RNF20: variants seen among roughly 807,000 people sequenced by gnomAD.
RNF20 encodes the protein ring finger protein 20.
RNF20 carries 84 observed loss-of-function variants against 126.2 expected under a neutral mutation model. The observed-to-expected ratio is 0.67, with a 90% CI of 0.56 to 0.80. RNF20 has a LOEUF of 0.80. Ranked by LOEUF, RNF20 falls within the 30% of genes least tolerant of loss-of-function variation. The pLI, the probability that RNF20 is intolerant of heterozygous loss-of-function variation, is 0.00. For missense variants in RNF20, 869 were observed against 1,188.2 expected, an observed-to-expected ratio of 0.73 and a Z score of 3.95; for synonymous variants, 400 against 414.3, an observed-to-expected ratio of 0.97 and a Z score of 0.42.
chr9:101,541,189 G>A (rs1225625286), intron 5 of RNF20, among the ~76,000 whole-genome samples: 1 of 152,108 alleles, frequency 6.6e-6, no homozygotes, highest in Non-Finnish European at 1.5e-5. Flanking sequence ...TTCTGCCTCA[G>A]CTTCCGAATA....
intron 5 of RNF20, among the ~76,000 whole-genome samples, chr9:101,542,995 A>C (rs1030912973): frequency 4.6e-5 from 7 of 152,226 alleles, no homozygotes; most frequent in Admixed American, 4.6e-4. Flanking sequence ...GAAAATTGAC[A>C]TTCCTCAAAT....
chr9:101,561,313 C>T (rs958590503), intron 18 of RNF20, 83 bp downstream of exon 18: 116 of 1,372,960 alleles, frequency 8.4e-5, no homozygotes, highest in Non-Finnish European at 1.2e-4. Flanking sequence ...AATCATTAGT[C>T]CAATGTATGT....
intron 16 of RNF20, among the ~76,000 whole-genome samples, chr9:101,557,846 G>A (rs1827560423): frequency 2.0e-5 from 3 of 152,024 alleles, no homozygotes; most frequent in African/African-American, 4.8e-5. Flanking sequence ...ATCAAGTGAC[G>A]TGTTTTGTTA....
intron 9 of RNF20, among the ~76,000 whole-genome samples, chr9:101,550,331 C>T (rs550487590): frequency 2.0e-5 from 3 of 152,280 alleles, no homozygotes; most frequent in Non-Finnish European, 4.4e-5. Context: ...ACAAATTTCA[C>T]TCTTCTGGTG....
intron 2 of RNF20, among the ~76,000 whole-genome samples, chr9:101,538,539 C>G (rs1588216115): frequency 6.6e-6 from 1 of 152,100 alleles, no homozygotes; most frequent in Non-Finnish European, 1.5e-5. Context: ...TCATCCCTCT[C>G]TGGCTTCAAG....
At chr9:101,541,775 CAG>C (rs1198649517) in intron 5 of RNF20, among the ~76,000 whole-genome samples, 6 of 152,076 alleles carry the variant, frequency 3.9e-5, no homozygotes, top group Non-Finnish European at 7.4e-5. Flanking sequence ...TTAGAGTTGA[CAG>C]ATGATCTGTA....
chr9:101,550,567 C>G (rs1274127969), intron 9 of RNF20, 39 bp from the exon 10 acceptor site: 1 of 1,585,890 alleles, frequency 6.3e-7, no homozygotes, highest in African/African-American at 1.4e-5. Flanking sequence ...TGGGGCAATG[C>G]TAGATTCTGC....
chr9:101,550,274 A>G (rs1264419784), intron 9 of RNF20, among the ~76,000 whole-genome samples: 1 of 152,240 alleles, frequency 6.6e-6, no homozygotes, highest in Non-Finnish European at 1.5e-5. Flanking sequence ...AAAGAGAACA[A>G]GTTAGTGACT....
At chr9:101,549,258 C>T (rs959272869) in intron 9 of RNF20, among the ~76,000 whole-genome samples, 3 of 152,168 alleles carry the variant, frequency 2.0e-5, no homozygotes, top group Non-Finnish European at 4.4e-5. Flanking sequence ...CATCTCCAAT[C>T]GTAGGTAAGG....
At chr9:101,547,932 G>A (rs929126133) in intron 9 of RNF20, among the ~76,000 whole-genome samples, 7 of 152,026 alleles carry the variant, frequency 4.6e-5, no homozygotes, top group East Asian at 1.9e-4. Flanking sequence ...CAGGCTCCAC[G>A]AAAAAACTGT....
intron 5 of RNF20, among the ~76,000 whole-genome samples, chr9:101,543,737 C>T (rs34217655): frequency 0.034 from 5,181 of 152,330 alleles, 134 homozygotes; most frequent in East Asian, 0.092. Context: ...CTAGCCCTGT[C>T]CTCAGTGCTT....
intron 16 of RNF20, among the ~76,000 whole-genome samples, chr9:101,558,522 AACAG>A (rs1827573231): frequency 6.6e-6 from 1 of 152,182 alleles, no homozygotes; most frequent in Non-Finnish European, 1.5e-5. Context: ...CATTCCCACC[AACAG>A]TGTAAAAGTG....
chr9:101,552,717 A>T lies in RNF20; in HGVS notation c.1865A>T (p.Glu622Val), dbSNP rs776278692. 8.1e-6 allele frequency: 13 copies of T among 1,604,500 alleles called. No individual in the cohort carries two copies. The highest frequency in any genetic ancestry group is 1.1e-5 in the Non-Finnish European group (13 of 1,172,774). The change falls in exon 13 of 20, where the codon GAA (glutamate) becomes GTA (valine). Residue 622 changes from glutamate to valine, a missense_variant. Glu to Val is a moderately radical substitution (Grantham distance 121, BLOSUM62 -2). Coordinates refer to ENST00000389120, the MANE Select transcript of RNF20 (RefSeq NM_019592.7). ...AAACATGATGATGGACGGAAAAAGG[A>T]AGCAGAAATTATCAAACAATTGAAG... ...KGKHDDGRKKEAEIIKQLKIE... is the reference protein window; with the variant it reads ...KGKHDDGRKKVAEIIKQLKIE...
intron 15 of RNF20, among the ~76,000 whole-genome samples, chr9:101,555,342 C>T (rs1000882757): frequency 6.6e-6 from 1 of 151,564 alleles, no homozygotes; most frequent in Non-Finnish European, 1.5e-5. Context: ...AATCTATTAA[C>T]CAATATAATA....
intron 15 of RNF20, among the ~76,000 whole-genome samples, chr9:101,555,345 A>G (rs1376227992): frequency 1.3e-5 from 2 of 152,026 alleles, no homozygotes; most frequent in African/African-American, 2.4e-5. Context: ...CTATTAACCA[A>G]TATAATAACA....
intron 1 of RNF20, among the ~76,000 whole-genome samples, chr9:101,535,102 T>C (rs923554730): frequency 2.6e-5 from 4 of 151,900 alleles, no homozygotes; most frequent in Non-Finnish European, 5.9e-5. Context: ...AGAGACGGGG[T>C]TTCACCGTGT....
At position 101,552,555 on chromosome 9, in the gene RNF20, A is replaced by G. The variant is rs778109399; in HGVS notation, c.1703A>G (p.Glu568Gly). Residue 568 changes from glutamate to glycine, a missense_variant, in exon 13 of 20, where the codon GAA (glutamate) becomes GGA (glycine). Glu to Gly is a moderately conservative substitution (Grantham distance 98, BLOSUM62 -2). This residue lies in a region of RNF20 where 231 missense variants were observed against 263.6 expected (regional missense o/e 0.88). Transcript: ENST00000389120. ...ATCAAGTCTAAACGGGATGAAGAAG[A>G]ACGAGAACGAGAAAGGAGGGAGAAG... Reference protein sequence around the residue: ...NEIKSKRDEEERERERREKER... With the variant: ...NEIKSKRDEEGRERERREKER... 28 of 1,612,664 alleles carry G rather than the reference A, an allele frequency of 1.7e-5. No homozygotes were observed. The South Asian group carries it at 3.1e-4, about 18-fold the overall frequency.
Position 101,533,906 on chromosome 9 carries a change from C to G in RNF20, c.-35C>G, listed in dbSNP as rs534159089. 2 of 152,312 alleles carry G rather than the reference C, an allele frequency of 1.3e-5. No individual in the cohort carries two copies. The highest frequency in any genetic ancestry group is 2.4e-5 in the African/African-American group (1 of 41,460). 9.4% of individuals were successfully genotyped at this position (152,312 alleles called of 1,614,324 possible). A position where few individuals can be genotyped will look rare whatever the true frequency, so the allele number is the denominator to read the frequency against. On this transcript the variant is annotated 5_prime_UTR_variant, in exon 1 of 20. Coordinates refer to ENST00000389120, the MANE Select transcript of RNF20 (RefSeq NM_019592.7). Reference sequence around the variant, plus strand: ...AGGGGTGAGAGCTGGAATCTCTGCACGGGCCTTGGTGAGTAACTGCTGCGA... The same window carrying G: ...AGGGGTGAGAGCTGGAATCTCTGCAGGGGCCTTGGTGAGTAACTGCTGCGA...
At chr9:101,539,942 A>T (rs1827233704) in intron 2 of RNF20, among the ~76,000 whole-genome samples, 1 of 151,862 alleles carries the variant, frequency 6.6e-6, no homozygotes, top group Non-Finnish European at 1.5e-5. Flanking sequence ...AAGCAGCATT[A>T]CTTTGTAGAT....
Sources: gnomAD v4.1 joint callset for allele counts (sites outside exome capture counted in the v4.1 genomes callset) on GRCh38, gnomAD v4.1.1 for gene constraint, gnomAD v4.1.1 regional missense constraint, MANE v1.5 for transcripts, NCBI Gene and HGNC (gene_info 2026-07-23, HGNC 2026-07-21) for gene names.